Variants in TIAM1 observed in about 807,000 individuals in gnomAD.
TIAM1 encodes the protein TIAM Rac1 associated GEF 1.
In TIAM1, 65 loss-of-function variants were observed where a neutral mutation model predicts 163.5. The ratio of observed to expected loss-of-function variants is 0.40; its 90% CI spans 0.33 to 0.49. The LOEUF is 0.49. Ranked by LOEUF, TIAM1 falls within the 20% of genes least tolerant of loss-of-function variation. The pLI is 0.77. For synonymous variants in TIAM1, 833 were observed against 810.1 expected (o/e 1.03, Z -0.48); for missense variants, 1,789 against 2,044.7 (o/e 0.87, Z 2.41).
intron 2 of TIAM1, among the ~76,000 whole-genome samples, chr21:31,414,495 G>A (rs886861895): frequency 2.0e-5 from 3 of 152,092 alleles, no homozygotes; most frequent in East Asian, 3.9e-4. Flanking sequence ...GATGGAGGTG[G>A]GAGCAACGGC....
intron 2 of TIAM1, among the ~76,000 whole-genome samples, chr21:31,384,401 C>CAAA (rs5843516): frequency 0.013 from 1,446 of 107,704 alleles, 34 homozygotes; most frequent in South Asian, 0.04. Context: ...CCCATCTCTA[C>CAAA]AAAAAAAAAA....
chr21:31,195,185 A>G (rs759528693), intron 13 of TIAM1, 39 bp downstream of exon 13: 1 of 1,507,410 alleles, frequency 6.6e-7, no homozygotes, highest in Non-Finnish European at 9.2e-7. Flanking sequence ...CATAAGAAAT[A>G]CTTTACCTTA....
intron 10 of TIAM1, among the ~76,000 whole-genome samples, chr21:31,210,717 G>A (rs1376242461): frequency 4.3e-5 from 4 of 93,130 alleles, no homozygotes; most frequent in African/African-American, 2.4e-4. Flanking sequence ...GAAAGAAAGA[G>A]AAAGAAAGAA....
intron 20 of TIAM1, among the ~76,000 whole-genome samples, chr21:31,142,492 C>A (rs892084405): frequency 7.1e-6 from 1 of 140,600 alleles, no homozygotes; most frequent in Admixed American, 7.1e-5. Context: ...AAAAGCCAGG[C>A]TGGTGGCAGG....
At chr21:31,409,783 G>A (rs1188767602) in intron 2 of TIAM1, among the ~76,000 whole-genome samples, 1 of 152,122 alleles carries the variant, frequency 6.6e-6, no homozygotes, top group African/African-American at 2.4e-5. Context: ...CTCCCTCCCT[G>A]GTGGGGGGCA....
intron 1 of TIAM1, among the ~76,000 whole-genome samples, chr21:31,554,590 T>C (rs767476447): frequency 1.3e-5 from 2 of 152,202 alleles, no homozygotes; most frequent in African/African-American, 4.8e-5. Flanking sequence ...GAAACTGAGA[T>C]TGTGCTCAGC....
chr21:31,125,221 TA>T (rs397866589), intron 26 of TIAM1, among the ~76,000 whole-genome samples: 17,809 of 137,640 alleles, frequency 0.13, 1,073 homozygotes, highest in Non-Finnish European at 0.16. Context: ...TTCTCATGGT[TA>T]AAAAAAAAAA....
At chr21:31,130,363 C>T (rs775993947) in intron 24 of TIAM1, 48 bp from the exon 25 acceptor site, 17 of 1,458,708 alleles carry the variant, frequency 1.2e-5, no homozygotes, top group South Asian at 4.5e-5. Flanking sequence ...TAACCTGCCC[C>T]GGACCAGTTC....
chr21:31,214,933 CAT>C, intron 9 of TIAM1, among the ~76,000 whole-genome samples: 1 of 152,096 alleles, frequency 6.6e-6, no homozygotes, highest in East Asian at 1.9e-4. Flanking sequence ...GCCAAAAAAA[CAT>C]AATTTTTGTC....
intron 2 of TIAM1, among the ~76,000 whole-genome samples, chr21:31,458,526 G>A (rs551157015): frequency 1.3e-5 from 2 of 152,182 alleles, no homozygotes; most frequent in Admixed American, 1.3e-4. Flanking sequence ...TTCCCTCAAT[G>A]TATTCTTCTT....
At chr21:31,375,286 A>G (rs1016997154) in intron 2 of TIAM1, among the ~76,000 whole-genome samples, 1 of 152,222 alleles carries the variant, frequency 6.6e-6, no homozygotes, top group Non-Finnish European at 1.5e-5. Flanking sequence ...ACACAAACAG[A>G]GCAAAGCCAT....
At chr21:31,182,021 G>GT (rs2085054540) in intron 15 of TIAM1, among the ~76,000 whole-genome samples, 1 of 150,564 alleles carries the variant, frequency 6.6e-6, no homozygotes, top group African/African-American at 2.4e-5. Flanking sequence ...TGACCTCAAG[G>GT]TATCCTCCTG....
Position 31,423,926 on chromosome 21 carries a change from C to G in TIAM1, c.-369+40057G>C, listed in dbSNP as rs563173165. Among the ~76,000 whole-genome samples the G allele has an allele frequency of 4.9e-3, 735 of 148,944 alleles. 8 individuals are homozygous for G. The highest frequency in any genetic ancestry group is 0.016 in the African/African-American group (638 of 40,718). ...TGATTTGGGGCATGATGAGAGTGTT[C>G]TGAAGTTGATTGTAGTGATGATTGC... On this transcript the variant is annotated intron_variant, in intron 2 of 28. Transcript: ENST00000286827.
intron 4 of TIAM1, among the ~76,000 whole-genome samples, chr21:31,265,269 T>C (rs978314564): frequency 6.6e-6 from 1 of 150,456 alleles, no homozygotes; most frequent in African/African-American, 2.4e-5. Context: ...CGAAGTCTCT[T>C]AGTTTCCTCC....
rs1444341162 is a variant in TIAM1, at chr21:31,501,340, A to G, written c.-421-37305T>C. The stretch of plus-strand genomic sequence containing the variant: ...GATTTTTTTTGTTTTTAAAAACGGA[A>G]TGGGCTCTCAGCAAGCCACAGGTCA... On this transcript the variant is annotated intron_variant, in intron 1 of 28. Transcript: ENST00000286827. Among the ~76,000 whole-genome samples, 2 of 152,124 alleles carry G rather than the reference A, an allele frequency of 1.3e-5. 1 individual carries two copies. The highest frequency in any genetic ancestry group is 2.9e-5 in the Non-Finnish European group (2 of 68,022).
At chr21:31,511,857 A>G (rs994211886) in intron 1 of TIAM1, among the ~76,000 whole-genome samples, 6 of 152,180 alleles carry the variant, frequency 3.9e-5, no homozygotes, top group African/African-American at 1.4e-4. Context: ...AAATATTATA[A>G]CAACAAAATT....
intron 2 of TIAM1, among the ~76,000 whole-genome samples, chr21:31,373,665 T>A (rs117143232): frequency 0.015 from 2,338 of 152,174 alleles, 30 homozygotes; most frequent in South Asian, 0.047. Flanking sequence ...GGAGGGTGTC[T>A]GGAATTTTTT....
intron 19 of TIAM1, among the ~76,000 whole-genome samples, chr21:31,151,828 C>T (rs879538801): frequency 2.0e-5 from 3 of 152,022 alleles, no homozygotes; most frequent in African/African-American, 7.2e-5. Flanking sequence ...AGGAAATCTG[C>T]AATAAAAGAA....
At chr21:31,365,165 C>T (rs900808324) in intron 2 of TIAM1, among the ~76,000 whole-genome samples, 7 of 152,126 alleles carry the variant, frequency 4.6e-5, no homozygotes, top group Non-Finnish European at 1.0e-4. Context: ...ATCTAGTCTC[C>T]AAACACGCCA....
Sources: gnomAD v4.1 joint callset for allele counts (sites outside exome capture counted in the v4.1 genomes callset) on GRCh38, gnomAD v4.1.1 for gene constraint, MANE v1.5 for transcripts, NCBI Gene and HGNC (gene_info 2026-07-23, HGNC 2026-07-21) for gene names.